Variants in TRIQK observed in about 807,000 individuals in gnomAD.
TRIQK encodes triple QxxK/R motif-containing protein.
A neutral mutation model predicts 10.8 loss-of-function variants in TRIQK; 10 were observed. That is an observed-to-expected ratio of 0.92 (90% CI 0.57 to 1.57). The LOEUF is 1.57. Ranked by LOEUF, TRIQK falls within the 40% of genes most tolerant of loss-of-function variation. The pLI, the probability that TRIQK is intolerant of heterozygous loss-of-function variation, is 0.00. For missense variants in TRIQK, 107 were observed against 97.7 expected (o/e 1.09, Z -0.40); for synonymous variants, 33 against 33.7 (o/e 0.98, Z 0.07).
chr8:93,012,007 T>C (rs962503573), intron 1 of TRIQK, among the ~76,000 whole-genome samples: 2 of 152,094 alleles, frequency 1.3e-5, no homozygotes, highest in African/African-American at 4.8e-5. Flanking sequence ...AAAATATTTG[T>C]AAGCTGGAGA....
intron 1 of TRIQK, among the ~76,000 whole-genome samples, chr8:93,016,051 T>C (rs989061409): frequency 2.0e-5 from 3 of 152,204 alleles, no homozygotes; most frequent in African/African-American, 7.2e-5. Flanking sequence ...ATCCTAATTC[T>C]TTACTAATTC....
intron 2 of TRIQK, among the ~76,000 whole-genome samples, chr8:92,923,442 C>G (rs1370329046): frequency 6.6e-6 from 1 of 151,828 alleles, no homozygotes; most frequent in Non-Finnish European, 1.5e-5. Context: ...TCATCACCTT[C>G]TTTTGTAAAG....
At chr8:92,959,096 A>C (rs956732097) in intron 1 of TRIQK, among the ~76,000 whole-genome samples, 1 of 152,108 alleles carries the variant, frequency 6.6e-6, no homozygotes, top group African/African-American at 2.4e-5. Flanking sequence ...ATAAACAATT[A>C]AATTTGAATT....
At chr8:92,968,263 C>T (rs1206591329), upstream of TRIQK, among the ~76,000 whole-genome samples, 3 of 152,072 alleles carry the variant, frequency 2.0e-5, no homozygotes, top group Admixed American at 6.6e-5. Flanking sequence ...AATAAACATA[C>T]GTTGGCATGT....
At chr8:92,962,075 G>A (rs897444208) in intron 1 of TRIQK, among the ~76,000 whole-genome samples, 1 of 152,112 alleles carries the variant, frequency 6.6e-6, no homozygotes, top group Non-Finnish European at 1.5e-5. Context: ...TTGTTGCAAA[G>A]ATGCTGAACA....
chr8:93,013,460 G>A (rs1813356574), intron 1 of TRIQK, among the ~76,000 whole-genome samples: 1 of 152,138 alleles, frequency 6.6e-6, no homozygotes, highest in Non-Finnish European at 1.5e-5. Flanking sequence ...GGACAATGCA[G>A]AAGAGAGGTT....
Position 93,002,779 on chromosome 8 carries a change from G to C in TRIQK, c.-181+14830C>G, listed in dbSNP as rs145334471. ...TACTAAAAATAAAAAAATTAGCCGG[G>C]TGTGGTAGGGGGAGTCTGTAATCCC... On this transcript the variant is annotated intron_variant, in intron 1 of 4. Coordinates refer to the TRIQK transcript ENST00000520686. Among the ~76,000 whole-genome samples, 319 of 152,080 alleles carry C rather than the reference G, an allele frequency of 2.1e-3. 1 individual carries two copies. The highest frequency in any genetic ancestry group is 7.3e-3 in the African/African-American group (301 of 41,480).
At chr8:92,968,095 A>G (rs184130109), upstream of TRIQK, among the ~76,000 whole-genome samples, 382 of 152,298 alleles carry the variant, frequency 2.5e-3, 2 homozygotes, top group African/African-American at 8.8e-3. Flanking sequence ...TCTTTACCAT[A>G]TAAAGACATA....
rs1425758 is a variant in TRIQK, at chr8:92,886,888, G to A, written c.148-153C>T. 4.9e-3 allele frequency: 2,344 copies of A among 475,662 alleles called. 118 individuals are homozygous for A. In the Admixed American group the frequency reaches 0.072, roughly 15 times the overall value. 29.5% of individuals were successfully genotyped at this position (475,662 alleles called of 1,614,324 possible). ...TCCTTTTTGTTTACCATTTTTTGCCGTTAAGAAACTGTTTTGTACTGGCAA... is the reference window on the plus strand; with the variant it reads ...TCCTTTTTGTTTACCATTTTTTGCCATTAAGAAACTGTTTTGTACTGGCAA... On this transcript the variant is annotated intron_variant, in intron 4 of 4. Coordinates refer to ENST00000521988, the MANE Select transcript of TRIQK (RefSeq NM_001171797.2).
chr8:92,893,948 G>A (rs12549287), intron 3 of TRIQK, among the ~76,000 whole-genome samples: 23,043 of 151,808 alleles, frequency 0.15, 2,068 homozygotes, highest in Admixed American at 0.19. Context: ...TAATGTATCT[G>A]TCATAAAACA....
chr8:93,002,294 T>A (rs923845852), intron 1 of TRIQK, among the ~76,000 whole-genome samples: 2 of 151,972 alleles, frequency 1.3e-5, no homozygotes, highest in Admixed American at 1.3e-4. Context: ...AAATAAAGAC[T>A]ACAAAAACAA....
At chr8:92,930,288 G>T (rs912649175) in intron 2 of TRIQK, among the ~76,000 whole-genome samples, 3 of 149,960 alleles carry the variant, frequency 2.0e-5, no homozygotes, top group African/African-American at 7.4e-5. Context: ...CACTCAGGAG[G>T]CTGAGGCAGG....
chr8:92,958,345 C>T (rs1027852686), intron 1 of TRIQK, among the ~76,000 whole-genome samples: 6 of 152,112 alleles, frequency 3.9e-5, no homozygotes, highest in South Asian at 4.1e-4. Context: ...TTTCTCTGTA[C>T]AAGTCACCTA....
chr8:92,988,671 A>G (rs1813063537), intron 1 of TRIQK, among the ~76,000 whole-genome samples: 1 of 152,170 alleles, frequency 6.6e-6, no homozygotes, highest in Non-Finnish European at 1.5e-5. Flanking sequence ...TCAACTCAGA[A>G]GATTGCAGAT....
chr8:92,916,037 T>C (rs886740198), intron 3 of TRIQK, among the ~76,000 whole-genome samples: 2 of 152,142 alleles, frequency 1.3e-5, no homozygotes, highest in Admixed American at 6.6e-5. Context: ...ATTAATTTAT[T>C]TTGTATTTCC....
At position 92,954,421 on chromosome 8, in the gene TRIQK, T is replaced by C. The variant is rs1812069772; in HGVS notation, c.-37A>G. On this transcript the variant is annotated 5_prime_UTR_variant, in exon 2 of 5. Coordinates refer to ENST00000521988, the MANE Select transcript of TRIQK (RefSeq NM_001171797.2). The stretch of plus-strand genomic sequence containing the variant: ...ATAAACACACCTTGCGTTGTGTCTT[T>C]GATGCTGCCAAGTCTAAACTCTGGA... The C allele has an allele frequency of 6.6e-6, 1 of 151,962 alleles. No homozygotes were observed. Among genetic ancestry groups the C allele is most frequent in the Non-Finnish European group, 1.5e-5 (1 of 67,906 alleles). The allele number at this position is 151,962 out of a possible 1,614,324, so 9.4% of individuals were successfully genotyped here. A position where few individuals can be genotyped will look rare whatever the true frequency, so the allele number is the denominator to read the frequency against.
At chr8:93,011,201 C>CATATATAT (rs766474499) in intron 1 of TRIQK, among the ~76,000 whole-genome samples, 1 of 98,526 alleles carries the variant, frequency 1.0e-5, no homozygotes, top group African/African-American at 3.7e-5. Flanking sequence ...CACACACACA[C>CATATATAT]ACACATATAT....
rs1233249540 is a variant in TRIQK at position 92,898,841 on chromosome 8, A to G, written c.62-6767T>C. On this transcript the variant is annotated intron_variant, in intron 3 of 4. Coordinates refer to ENST00000521988, the MANE Select transcript of TRIQK (RefSeq NM_001171797.2). ...ATAATAGGTGTGTGTGTGTATATAT[A>G]TATATATATATATATATATATATAT... Among the ~76,000 whole-genome samples the G allele has an allele frequency of 1.5e-3, 180 of 116,440 alleles. 2 individuals are homozygous for G. Among genetic ancestry groups the G allele is most frequent in the East Asian group, 7.5e-3 (29 of 3,860 alleles). 76.4% of individuals were successfully genotyped at this position (116,440 alleles called of 152,430 possible).
At chr8:92,926,983 T>C (rs1460989097) in intron 2 of TRIQK, among the ~76,000 whole-genome samples, 1 of 152,044 alleles carries the variant, frequency 6.6e-6, no homozygotes, top group Non-Finnish European at 1.5e-5. Context: ...CCCAGGAGTT[T>C]AAGACTGCAG....
Sources: gnomAD v4.1 joint callset for allele counts (sites outside exome capture counted in the v4.1 genomes callset) on GRCh38, gnomAD v4.1.1 for gene constraint, MANE v1.5 for transcripts, NCBI Gene and HGNC (gene_info 2026-07-23, HGNC 2026-07-21) for gene names.